Variants in RGL1 observed in about 807,000 individuals in gnomAD.
RGL1 encodes ral guanine nucleotide dissociation stimulator-like 1.
In RGL1, 24 loss-of-function variants were observed where a neutral mutation model predicts 95.2. The observed-to-expected ratio is 0.25, with a 90% CI of 0.18 to 0.35. The LOEUF is 0.35. RGL1 is among the 10% of genes least tolerant of loss of function. RGL1 has a pLI of 1.00. For missense variants in RGL1, 715 were observed against 936.3 expected, an observed-to-expected ratio of 0.76 and a Z score of 3.08; for synonymous variants, 329 against 344.9, an observed-to-expected ratio of 0.95 and a Z score of 0.51.
intron 2 of RGL1, among the ~76,000 whole-genome samples, chr1:183,783,734 C>A (rs546591509): frequency 7.2e-5 from 11 of 152,160 alleles, no homozygotes; most frequent in South Asian, 6.2e-4. Context: ...GCAATAAAAT[C>A]TATAATGGAA....
At chr1:183,637,685 T>C (rs1312568632) in intron 1 of RGL1, among the ~76,000 whole-genome samples, 2 of 152,190 alleles carry the variant, frequency 1.3e-5, no homozygotes, top group Non-Finnish European at 2.9e-5. Context: ...ATTAAACCAC[T>C]CTTCTATAAG....
chr1:183,774,646 G>A (rs1020395010), intron 2 of RGL1, among the ~76,000 whole-genome samples: 5 of 143,468 alleles, frequency 3.5e-5, no homozygotes, highest in African/African-American at 1.0e-4. Context: ...GCATGATCTC[G>A]GTTCACACAA....
intron 2 of RGL1, 56 bp downstream of exon 2, chr1:183,806,541 G>T: frequency 8.5e-7 from 1 of 1,183,168 alleles, no homozygotes; most frequent in Non-Finnish European, 1.2e-6. Context: ...GTCGTTCTGT[G>T]AATATCATTA....
chr1:183,658,732 A>C (rs972408353), intron 1 of RGL1, among the ~76,000 whole-genome samples: 25 of 152,252 alleles, frequency 1.6e-4, no homozygotes, highest in Admixed American at 4.6e-4. Flanking sequence ...ACAGCTGGAG[A>C]TCTGAGAACG....
At chr1:183,803,312 C>A (rs1297177305), upstream of RGL1, among the ~76,000 whole-genome samples, 1 of 152,148 alleles carries the variant, frequency 6.6e-6, no homozygotes, top group Non-Finnish European at 1.5e-5. Context: ...TTACCATGTG[C>A]TTGATGATTT....
chr1:183,893,057 C>T (rs747094323), intron 9 of RGL1, among the ~76,000 whole-genome samples: 2 of 152,206 alleles, frequency 1.3e-5, no homozygotes, highest in Non-Finnish European at 2.9e-5. Context: ...GCTATTTCTT[C>T]TGACCTTTTT....
intron 3 of RGL1, among the ~76,000 whole-genome samples, chr1:183,851,874 T>TTAA (rs1280678528): frequency 2.1e-4 from 32 of 152,258 alleles, no homozygotes; most frequent in African/African-American, 7.7e-4. Flanking sequence ...AGACTTTTAA[T>TTAA]GTCTATAATT....
intron 2 of RGL1, among the ~76,000 whole-genome samples, chr1:183,809,209 A>G (rs1215751460): frequency 6.6e-6 from 1 of 152,218 alleles, no homozygotes; most frequent in Non-Finnish European, 1.5e-5. Flanking sequence ...TGCCTAAAAG[A>G]TGGAACATAA....
At chr1:183,670,469 T>C (rs1652366447) in intron 1 of RGL1, among the ~76,000 whole-genome samples, 1 of 152,218 alleles carries the variant, frequency 6.6e-6, no homozygotes, top group South Asian at 2.1e-4. Context: ...CGCATAAAAG[T>C]GTGGAAGCCC....
intron 1 of RGL1, among the ~76,000 whole-genome samples, chr1:183,693,002 TG>T (rs1654046280): frequency 6.6e-6 from 1 of 151,826 alleles, no homozygotes; most frequent in South Asian, 2.1e-4. Flanking sequence ...TCACCCAGGC[TG>T]GAGTGCAGTG....
intron 3 of RGL1, among the ~76,000 whole-genome samples, chr1:183,854,136 T>C (rs1213961706): frequency 6.6e-6 from 1 of 152,216 alleles, no homozygotes; most frequent in Non-Finnish European, 1.5e-5. Context: ...TTAAAATTGA[T>C]AGACCACTGG....
chr1:183,811,021 C>A (rs1422279771), intron 2 of RGL1, among the ~76,000 whole-genome samples: 1 of 152,140 alleles, frequency 6.6e-6, no homozygotes, highest in Non-Finnish European at 1.5e-5. Flanking sequence ...CATGCCTCAT[C>A]CTTCTTTGGG....
At chr1:183,854,909 A>G (rs1172799737) in intron 3 of RGL1, among the ~76,000 whole-genome samples, 2 of 152,198 alleles carry the variant, frequency 1.3e-5, no homozygotes, top group Admixed American at 6.5e-5. Flanking sequence ...ATAGTGGCTG[A>G]AAAATATTAA....
chr1:183,679,899 AT>A (rs1653094418), intron 1 of RGL1, among the ~76,000 whole-genome samples: 1 of 152,084 alleles, frequency 6.6e-6, no homozygotes, highest in Non-Finnish European at 1.5e-5. Context: ...CTTTTTAATG[AT>A]TGCCATTCTA....
intron 12 of RGL1, among the ~76,000 whole-genome samples, chr1:183,903,558 A>T (rs909990014): frequency 6.6e-6 from 1 of 151,788 alleles, no homozygotes; most frequent in Non-Finnish European, 1.5e-5. Flanking sequence ...TCTACCTAAC[A>T]TGGGGGGGGT....
intron 2 of RGL1, among the ~76,000 whole-genome samples, chr1:183,764,180 C>G (rs1042844879): frequency 3.9e-5 from 6 of 152,164 alleles, no homozygotes; most frequent in African/African-American, 1.4e-4. Flanking sequence ...CACAGAAAGC[C>G]AATCACTGAG....
chr1:183,695,399 G>A (rs751699371), intron 1 of RGL1, among the ~76,000 whole-genome samples: 4 of 152,180 alleles, frequency 2.6e-5, no homozygotes, highest in Admixed American at 6.5e-5. Context: ...TGCTAGACTC[G>A]TAAAGCATTT....
intron 2 of RGL1, among the ~76,000 whole-genome samples, chr1:183,817,603 C>G (rs1261897801): frequency 6.6e-6 from 1 of 152,234 alleles, no homozygotes; most frequent in Non-Finnish European, 1.5e-5. Flanking sequence ...CCCCAGCATT[C>G]ATTCCCTGTT....
intron 1 of RGL1, among the ~76,000 whole-genome samples, chr1:183,676,685 C>T (rs1461023707): frequency 2.1e-5 from 3 of 144,646 alleles, no homozygotes; most frequent in African/African-American, 7.5e-5. Context: ...GTCACAGAGA[C>T]TCCAGAGCCA....
Sources: gnomAD v4.1 joint callset for allele counts (sites outside exome capture counted in the v4.1 genomes callset) on GRCh38, gnomAD v4.1.1 for gene constraint, MANE v1.5 for transcripts, NCBI Gene and HGNC (gene_info 2026-07-23, HGNC 2026-07-21) for gene names.